The following FNTA variants were observed in gnomAD, a reference collection of about 807,000 sequenced individuals.
The protein encoded by FNTA is protein farnesyltransferase/geranylgeranyltransferase type-1 subunit alpha.
Under a neutral mutation model 55.2 loss-of-function variants are expected in FNTA, and 27 were observed. The observed-to-expected ratio is 0.49, with a 90% CI of 0.36 to 0.67. FNTA has a LOEUF of 0.67. FNTA is among the 30% of genes least tolerant of loss of function. FNTA has a pLI of 0.00. For missense variants in FNTA, 422 were observed against 464.7 expected, an observed-to-expected ratio of 0.91 and a Z score of 0.85; for synonymous variants, 176 against 170.7, an observed-to-expected ratio of 1.03 and a Z score of -0.24.
Position 43,069,647 on chromosome 8 carries a change from A to G in FNTA, c.494A>G (p.Asn165Ser). ...GCAATAATTGAGGAGCAGCCCAAAA[A>G]CTATCAAGTTTGGTAAGTTTGGAGT... ...ITAIIEEQPK[N>S]YQVWHHRRVL... Residue 165 changes from asparagine (N) to serine (S), a missense_variant, in exon 4 of 9, where the codon AAC becomes AGC. Around this residue, in one of 2 missense-constraint regions of FNTA, gnomAD observed 262 missense variants for 343.1 expected, o/e 0.76. Coordinates refer to ENST00000302279, the MANE Select transcript of FNTA (RefSeq NM_002027.3). 6.2e-7 allele frequency: 1 copy of G among 1,609,954 alleles called. No homozygotes were observed. Among genetic ancestry groups the G allele is most frequent in the Non-Finnish European group, 8.5e-7 (1 of 1,176,706 alleles).
intron 1 of FNTA, 74 bp downstream of exon 1, chr8:43,056,620 C>A: frequency 9.8e-7 from 1 of 1,024,938 alleles, no homozygotes; most frequent in Non-Finnish European, 1.3e-6. Context: ...GCGGCGCGCG[C>A]TTCCGGCCCC....
intron 8 of FNTA, 40 bp downstream of exon 8, chr8:43,084,921 C>G (rs1250062462): frequency 1.3e-6 from 2 of 1,563,796 alleles, no homozygotes; most frequent in South Asian, 2.2e-5. Flanking sequence ...TTTGGTATCT[C>G]AGAATTGATC....
chr8:43,075,960 C>A (rs1465176961), intron 5 of FNTA, among the ~76,000 whole-genome samples: 2 of 151,722 alleles, frequency 1.3e-5, no homozygotes, highest in African/African-American at 4.8e-5. Context: ...CCTTAAACTC[C>A]GGGGCTCAAG....
At chr8:43,066,963 C>T (rs989010430) in intron 3 of FNTA, among the ~76,000 whole-genome samples, 12 of 152,190 alleles carry the variant, frequency 7.9e-5, no homozygotes, top group Non-Finnish European at 1.3e-4. Flanking sequence ...GTAGGAGAGT[C>T]TCACTGTTTA....
intron 4 of FNTA, among the ~76,000 whole-genome samples, chr8:43,071,236 T>A (rs994030641): frequency 2.6e-5 from 4 of 152,212 alleles, no homozygotes; most frequent in Non-Finnish European, 5.9e-5. Flanking sequence ...ATTCAGTGTT[T>A]TTTAGTATAT....
rs571058303 is a variant in FNTA, at chr8:43,084,788, C to T, written c.924C>T (p.Ser308=). 1.4e-5 allele frequency: 22 copies of T among 1,612,998 alleles called. No individual in the cohort carries two copies. Among genetic ancestry groups the T allele is most frequent in the South Asian group, 2.2e-5 (2 of 91,058 alleles). Residue 308 remains serine, a synonymous_variant, in exon 8 of 9, where the codon TCC becomes TCT. Coordinates refer to ENST00000302279, the MANE Select transcript of FNTA (RefSeq NM_002027.3). ...TTGATTTACAACCAAGTCATAGTTC[C>T]CCCTACCTAATTGCCTTTCTTGTGG... The part of the protein sequence containing the change: ...QLLDLQPSHS[S]PYLIAFLVDI...
chr8:43,073,429 C>T (rs1420343210), intron 5 of FNTA: 1 of 152,124 alleles, frequency 6.6e-6, no homozygotes, highest in Non-Finnish European at 1.5e-5. Context: ...TGTGTTGTAG[C>T]TTATGCATTT....
rs1811101627 is a variant in FNTA at position 43,085,208 on chromosome 8, T to G, written c.1066T>G (p.Trp356Gly). ...AAAGGACACTATAAGAAAGGAATAT[T>G]GGAGATACATTGGAAGATCCCTTCA... is the stretch of plus-strand genomic sequence containing the variant. ...KEKDTIRKEY[W>G]RYIGRSLQSK... is the part of the protein sequence containing the mutation. Residue 356 changes from tryptophan (W) to glycine (G), a missense_variant, in exon 9 of 9, where the codon TGG (tryptophan) becomes GGG (glycine). By Grantham distance (184) the Trp-to-Gly change is radical. Transcript: ENST00000302279. 1 of 1,592,604 alleles carries G rather than the reference T, an allele frequency of 6.3e-7. No individual in the cohort carries two copies. The highest frequency in any genetic ancestry group is 1.1e-5 in the South Asian group (1 of 89,268).
intron 3 of FNTA, among the ~76,000 whole-genome samples, chr8:43,068,947 G>A (rs1327928969): frequency 6.6e-6 from 1 of 151,648 alleles, no homozygotes; most frequent in Non-Finnish European, 1.5e-5. Context: ...CCTGACCTCA[G>A]GTGACCCACC....
chr8:43,064,723 G>A (rs749581013), intron 3 of FNTA, among the ~76,000 whole-genome samples: 10 of 152,030 alleles, frequency 6.6e-5, no homozygotes, highest in African/African-American at 2.2e-4. Flanking sequence ...GTCCCACTCC[G>A]CAGAGGTGGT....
intron 4 of FNTA, 30 bp from the exon 5 acceptor site, chr8:43,072,151 A>G: frequency 1.4e-6 from 2 of 1,438,732 alleles, no homozygotes; most frequent in Non-Finnish European, 1.8e-6. Context: ...TAAATTAACA[A>G]AAAACTTCTC....
At chr8:43,070,068 A>T (rs895176945) in intron 4 of FNTA, 1 of 151,774 alleles carries the variant, frequency 6.6e-6, no homozygotes, top group African/African-American at 2.4e-5. Flanking sequence ...AGCCTGGCCA[A>T]CATGGTGAAT....
intron 5 of FNTA, among the ~76,000 whole-genome samples, chr8:43,072,750 T>C (rs1810821171): frequency 6.6e-6 from 1 of 152,070 alleles, no homozygotes; most frequent in African/African-American, 2.4e-5. Flanking sequence ...CAAACATTAT[T>C]AACATACTTA....
chr8:43,066,792 T>C (rs1810671352), intron 3 of FNTA, among the ~76,000 whole-genome samples: 1 of 152,190 alleles, frequency 6.6e-6, no homozygotes, highest in Non-Finnish European at 1.5e-5. Flanking sequence ...GCTGTGAAGT[T>C]ACTGAGTGGG....
chr8:43,084,217 C>CTTT (rs965185730), intron 7 of FNTA, among the ~76,000 whole-genome samples: 5 of 131,568 alleles, frequency 3.8e-5, no homozygotes, highest in Non-Finnish European at 6.5e-5. Flanking sequence ...TGTAATTATC[C>CTTT]TTTTTTTTTT....
intron 6 of FNTA, chr8:43,078,781 C>T (rs780456069): frequency 6.6e-6 from 1 of 152,246 alleles, no homozygotes; most frequent in African/African-American, 2.4e-5. Context: ...TAGTGAGGAA[C>T]ACATATCAAA....
At chr8:43,058,483 A>T (rs1810462128) in intron 1 of FNTA, among the ~76,000 whole-genome samples, 1 of 152,242 alleles carries the variant, frequency 6.6e-6, no homozygotes, top group African/African-American at 2.4e-5. Context: ...AGTTAAAAAT[A>T]CTGTGAGGCA....
intron 7 of FNTA, among the ~76,000 whole-genome samples, chr8:43,084,214 A>G (rs968692982): frequency 1.5e-4 from 21 of 139,860 alleles, no homozygotes; most frequent in African/African-American, 5.7e-4. Context: ...GCTTGTAATT[A>G]TCCTTTTTTT....
intron 3 of FNTA, among the ~76,000 whole-genome samples, chr8:43,069,004 G>A (rs1169635122): frequency 1.3e-5 from 2 of 152,102 alleles, no homozygotes; most frequent in African/African-American, 4.8e-5. Context: ...GAGCCACTGT[G>A]CCTGGCCACC....
Sources: gnomAD v4.1 joint callset for allele counts (sites outside exome capture counted in the v4.1 genomes callset) on GRCh38, gnomAD v4.1.1 for gene constraint, gnomAD v4.1.1 regional missense constraint, MANE v1.5 for transcripts, NCBI Gene and HGNC (gene_info 2026-07-23, HGNC 2026-07-21) for gene names.